SH3TC1: variants seen among roughly 807,000 people sequenced by gnomAD.
SH3TC1 encodes the protein SH3 domain and tetratricopeptide repeats 1, also known as SH3 domain and tetratricopeptide repeat-containing protein 1.
In SH3TC1, 135 loss-of-function variants were observed where a neutral mutation model predicts 117.3. The observed-to-expected ratio is 1.15, with a 90% CI of 1.00 to 1.33. The LOEUF is 1.33. Ranked by LOEUF, SH3TC1 falls within the 40% of genes most tolerant of loss-of-function variation. The probability of loss-of-function intolerance (pLI) is 0.00; values close to 1 mark genes in which losing one functional copy is unlikely to be tolerated. For synonymous variants in SH3TC1, 898 were observed against 816.9 expected, an observed-to-expected ratio of 1.10 and a Z score of -1.69; for missense variants, 2,092 against 1,794.3, an observed-to-expected ratio of 1.17 and a Z score of -3.00.
chr4:8,196,910 T>C (rs965974721), upstream of SH3TC1, among the ~76,000 whole-genome samples: 4 of 152,168 alleles, frequency 2.6e-5, no homozygotes, highest in South Asian at 2.1e-4. The surrounding 1 kb of genome is among the most constrained non-coding windows in gnomAD (Gnocchi z 4.6). Context: ...GGGGCTGTGA[T>C]TGGGGGCCAA....
Position 8,192,984 on chromosome 4 carries a change from C to G in SH3TC1, c.-57+10774C>G, listed in dbSNP as rs1457051868. Among the ~76,000 whole-genome samples, 12 of 152,208 alleles carry G rather than the reference C, an allele frequency of 7.9e-5. No homozygotes were observed. Among genetic ancestry groups the G allele is most frequent in the Admixed American group, 7.9e-4 (12 of 15,280 alleles). The stretch of plus-strand genomic sequence containing the variant: ...CACAAGACAGCCTCAGCTCTGTGGT[C>G]CACAAACCACATGACCACATCTGGC... On this transcript the variant is annotated intron_variant, in intron 1 of 16. Coordinates refer to the SH3TC1 transcript ENST00000508641. The surrounding 1 kb of genome is among the most constrained non-coding windows in gnomAD (Gnocchi z 4.1).
In SH3TC1 at chr4:8,199,356, G is replaced by A. The variant is rs549505906; in HGVS notation, c.-78G>A. ...CCAGGAGCGGCCACCTGGTTCCTGCGTGCTACGGCCCTGTGGGCCTGGGAG... is the reference window on the plus strand; with the variant it reads ...CCAGGAGCGGCCACCTGGTTCCTGCATGCTACGGCCCTGTGGGCCTGGGAG... On this transcript the variant is annotated 5_prime_UTR_variant, in exon 1 of 18. The change creates a new upstream start codon in the 5' untranslated region. Transcript: ENST00000245105. 57 of 152,448 alleles carry A rather than the reference G, an allele frequency of 3.7e-4. No homozygotes were observed. The highest frequency in any genetic ancestry group is 6.8e-3 in the Middle Eastern group (2 of 294). The allele number at this position is 152,448 out of a possible 1,614,324, so 9.4% of individuals were successfully genotyped here.
intron 4 of SH3TC1, among the ~76,000 whole-genome samples, chr4:8,213,991 A>T (rs1718983282): frequency 6.6e-6 from 1 of 151,998 alleles, no homozygotes; most frequent in Non-Finnish European, 1.5e-5. Flanking sequence ...GAAGAGTTCC[A>T]GTGTTAGCTG....
At position 8,206,965 on chromosome 4, in the gene SH3TC1, A is replaced by G. The variant is rs1400585125; in HGVS notation, c.172+1599A>G. 2.0e-5 allele frequency among the ~76,000 whole-genome samples: 3 copies of G among 151,828 alleles called. No homozygotes were observed. The highest frequency in any genetic ancestry group is 7.3e-5 in the African/African-American group (3 of 41,292). ...TCCTAAAACCAGTACATTCTCTTAT[A>G]TAACCGCATTGTAATTATTTCAATG... On this transcript the variant is annotated intron_variant, in intron 2 of 17. Transcript: ENST00000245105. The surrounding 1 kb of genome is among the most constrained non-coding windows in gnomAD (Gnocchi z 5.5).
intron 12 of SH3TC1, chr4:8,231,316 T>G (rs1220559942): frequency 6.5e-6 from 1 of 152,674 alleles, no homozygotes; most frequent in Non-Finnish European, 1.5e-5. Flanking sequence ...ACGTGGCCTG[T>G]CTTGGGGAAT....
chr4:8,215,320 G>A (rs894004911), intron 5 of SH3TC1: 9 of 446,030 alleles, frequency 2.0e-5, no homozygotes, highest in African/African-American at 8.0e-5. Flanking sequence ...GGGATCTTGC[G>A]ACACCACCCT....
upstream of SH3TC1, among the ~76,000 whole-genome samples, chr4:8,197,465 G>A (rs149888271): frequency 9.2e-4 from 140 of 152,312 alleles, no homozygotes; most frequent in Middle Eastern, 6.8e-3. Flanking sequence ...CTGGGGAGCC[G>A]TGTCCCCGCA....
At chr4:8,189,399 G>A (rs750467420) in intron 1 of SH3TC1, among the ~76,000 whole-genome samples, 6 of 152,274 alleles carry the variant, frequency 3.9e-5, no homozygotes, top group Non-Finnish European at 8.8e-5. Context: ...AGGGCTGGCC[G>A]GGCCGGCGGC....
chr4:8,189,903 A>G (rs1193487801), intron 1 of SH3TC1, among the ~76,000 whole-genome samples: 1 of 152,140 alleles, frequency 6.6e-6, no homozygotes, highest in East Asian at 1.9e-4. Context: ...GAGGTGTCCA[A>G]AGGGTGTGGT....
intron 1 of SH3TC1, among the ~76,000 whole-genome samples, chr4:8,202,236 C>G (rs373946782): frequency 1.3e-5 from 2 of 152,300 alleles, no homozygotes; most frequent in African/African-American, 4.8e-5. Context: ...CGAGGCTGGG[C>G]GAGGGCAGCC....
chr4:8,190,683 C>T lies in SH3TC1; in HGVS notation c.-57+8473C>T, dbSNP rs928090568. Among the ~76,000 whole-genome samples, 7 of 151,982 alleles carry T rather than the reference C, an allele frequency of 4.6e-5. No individual in the cohort carries two copies. The highest frequency in any genetic ancestry group is 3.3e-4 in the Admixed American group (5 of 15,256). ...GGAGACAGAGCCTGGCTCTGTCGCC[C>T]AGGCTGGAGTGCAGTAGTGTGGTTA... is the stretch of plus-strand genomic sequence containing the variant. On this transcript the variant is annotated intron_variant, in intron 1 of 16. Coordinates refer to the SH3TC1 transcript ENST00000508641. The surrounding 1 kb of genome is among the most constrained non-coding windows in gnomAD (Gnocchi z 4.7).
chr4:8,188,207 C>A (rs920233746), intron 1 of SH3TC1, among the ~76,000 whole-genome samples: 5 of 152,192 alleles, frequency 3.3e-5, no homozygotes. Context: ...CCTTTCCCAA[C>A]CCCTCTGCAA....
intron 7 of SH3TC1, 62 bp from the exon 8 acceptor site, chr4:8,218,209 A>G: frequency 5.8e-6 from 8 of 1,376,844 alleles, no homozygotes; most frequent in Non-Finnish European, 8.2e-6. Context: ...CAGTCTCTGC[A>G]CAGGATGTAT....
chr4:8,228,217 C>T lies in SH3TC1; in HGVS notation c.2523C>T (p.Ser841=). The change falls in exon 12 of 18, where the codon AGC becomes AGT. Residue 841 remains serine, a synonymous_variant. Coordinates refer to ENST00000245105, the MANE Select transcript of SH3TC1 (RefSeq NM_018986.5). ...GGCTGCACGTGCTTCATGGGCAGAGCCCGGTGGCCCTGGACATCCTGCAGT... is the reference window on the plus strand; with the variant it reads ...GGCTGCACGTGCTTCATGGGCAGAGTCCGGTGGCCCTGGACATCCTGCAGT... The part of the protein sequence containing the change: ...LAWLHVLHGQ[S]PVALDILQSV... 1.2e-6 allele frequency: 2 copies of T among 1,608,714 alleles called. No homozygotes were observed. The highest frequency in any genetic ancestry group is 1.7e-6 in the Non-Finnish European group (2 of 1,177,074).
chr4:8,232,557 C>T, intron 13 of SH3TC1: 1 of 1,362,438 alleles, frequency 7.3e-7, no homozygotes, highest in Non-Finnish European at 9.7e-7. Flanking sequence ...CCACCTGTGG[C>T]TTCTCTCCCA....
intron 1 of SH3TC1, among the ~76,000 whole-genome samples, chr4:8,202,085 G>A (rs1419516112): frequency 3.3e-5 from 5 of 152,216 alleles, no homozygotes; most frequent in Admixed American, 1.3e-4. Flanking sequence ...ATGTGCTTCC[G>A]GAGAGGAGAT....
chr4:8,188,897 G>A (rs115070387), intron 1 of SH3TC1, among the ~76,000 whole-genome samples: 1,572 of 152,350 alleles, frequency 0.01, 18 homozygotes, highest in African/African-American at 0.036. Flanking sequence ...GTCCCAGGGG[G>A]AGGTGCAGCC....
chr4:8,188,739 C>A (rs1380112163), intron 1 of SH3TC1, among the ~76,000 whole-genome samples: 1 of 152,228 alleles, frequency 6.6e-6, no homozygotes, highest in Non-Finnish European at 1.5e-5. Context: ...GTGGGCCACG[C>A]CCCTGTGACG....
upstream of SH3TC1, among the ~76,000 whole-genome samples, chr4:8,197,155 G>T (rs1717579289): frequency 6.6e-6 from 1 of 152,220 alleles, no homozygotes; most frequent in Non-Finnish European, 1.5e-5. Flanking sequence ...AGAGGAGGAG[G>T]CTGGGTGGAG....
Sources: gnomAD v4.1 joint callset for allele counts (sites outside exome capture counted in the v4.1 genomes callset) on GRCh38, gnomAD v4.1.1 for gene constraint, Gnocchi (gnomAD v3.1) non-coding constraint, MANE v1.5 for transcripts, NCBI Gene and HGNC (gene_info 2026-07-23, HGNC 2026-07-21) for gene names.